Variants in SPATA6 observed in about 807,000 individuals in gnomAD.
SPATA6 encodes spermatogenesis-associated protein 6.
Under a neutral mutation model 65.3 loss-of-function variants are expected in SPATA6, and 56 were observed. The observed-to-expected ratio is 0.86, with a 90% CI of 0.69 to 1.07. The LOEUF is 1.07. Ranked by LOEUF, SPATA6 falls within the 50% of genes least tolerant of loss-of-function variation. The pLI, the probability that SPATA6 is intolerant of heterozygous loss-of-function variation, is 0.00. For missense variants in SPATA6, 590 were observed against 594.8 expected (o/e 0.99, Z 0.08); for synonymous variants, 199 against 213.2 (o/e 0.93, Z 0.58).
chr1:48,314,578 A>G (rs1645342288), intron 11 of SPATA6, among the ~76,000 whole-genome samples: 1 of 152,236 alleles, frequency 6.6e-6, no homozygotes, highest in Non-Finnish European at 1.5e-5. Context: ...AAATGCCCAC[A>G]AGAGAAAGCA....
chr1:48,368,817 G>T (rs1570337363), intron 9 of SPATA6, among the ~76,000 whole-genome samples: 1 of 152,320 alleles, frequency 6.6e-6, no homozygotes, highest in South Asian at 2.1e-4. Flanking sequence ...TCTCCGTCCA[G>T]CTTTGTTCCA....
intron 3 of SPATA6, among the ~76,000 whole-genome samples, chr1:48,417,714 C>T (rs1293914976): frequency 6.6e-6 from 1 of 151,988 alleles, no homozygotes; most frequent in Non-Finnish European, 1.5e-5. Context: ...TACCCAGCTA[C>T]TTGGGAGGCT....
chr1:48,301,702 T>C (rs888402081), intron 12 of SPATA6, among the ~76,000 whole-genome samples: 1 of 152,070 alleles, frequency 6.6e-6, no homozygotes, highest in East Asian at 1.9e-4. Context: ...TGGAACAGAA[T>C]AGAGAATGAA....
rs540428169 is a variant in SPATA6, at chr1:48,314,435, A to G, written c.1195-8557T>C. ...TGGAAACTGAACAACCTGCTCCTGA[A>G]TGACTACTGGGTACATAATGAAATG... On this transcript the variant is annotated intron_variant, in intron 11 of 12. Coordinates refer to ENST00000371847, the MANE Select transcript of SPATA6 (RefSeq NM_019073.4). Among the ~76,000 whole-genome samples the G allele has an allele frequency of 8.1e-4, 124 of 152,308 alleles. No individual in the cohort carries two copies. In the South Asian group the frequency reaches 0.014, roughly 18 times the overall value.
intron 3 of SPATA6, among the ~76,000 whole-genome samples, chr1:48,428,020 T>C (rs1397483119): frequency 6.6e-6 from 1 of 152,210 alleles, no homozygotes; most frequent in Non-Finnish European, 1.5e-5. Context: ...CTTAGGATAA[T>C]GGCCTCCAGC....
intron 8 of SPATA6, among the ~76,000 whole-genome samples, chr1:48,392,065 C>T (rs949514889): frequency 7.9e-5 from 12 of 152,182 alleles, no homozygotes; most frequent in African/African-American, 2.4e-4. Flanking sequence ...TGACTACATG[C>T]TATTTTATTC....
intron 1 of SPATA6, among the ~76,000 whole-genome samples, chr1:48,465,753 A>G (rs1657761035): frequency 6.6e-6 from 1 of 152,160 alleles, no homozygotes; most frequent in Admixed American, 6.5e-5. Flanking sequence ...CACAAGCAGC[A>G]TTGCCTCTGG....
At chr1:48,387,308 G>A (rs1649579463) in intron 8 of SPATA6, among the ~76,000 whole-genome samples, 1 of 152,222 alleles carries the variant, frequency 6.6e-6, no homozygotes, top group South Asian at 2.1e-4. Context: ...CATATCAAGG[G>A]CAGAGACATG....
At chr1:48,361,654 T>C (rs1366726327) in intron 9 of SPATA6, among the ~76,000 whole-genome samples, 2 of 152,170 alleles carry the variant, frequency 1.3e-5, no homozygotes, top group African/African-American at 4.8e-5. Flanking sequence ...TATCTAATTC[T>C]TCTCAGACTC....
chr1:48,462,514 A>G (rs934176758), intron 1 of SPATA6, among the ~76,000 whole-genome samples: 3 of 152,206 alleles, frequency 2.0e-5, no homozygotes, highest in African/African-American at 7.2e-5. Context: ...AAGTGAAAAT[A>G]CATAATCATA....
At chr1:48,361,719 T>A (rs1396176899) in intron 9 of SPATA6, among the ~76,000 whole-genome samples, 6 of 152,210 alleles carry the variant, frequency 3.9e-5, no homozygotes, top group Non-Finnish European at 7.3e-5. Context: ...GATCTTCCAT[T>A]ATTTATTTAA....
At position 48,471,986 on chromosome 1, in the gene SPATA6, TG is replaced by T. The variant is rs1223296921; in HGVS notation, c.22del (p.Gln8SerfsTer11). The T allele has an allele frequency of 6.3e-7, 1 of 1,592,754 alleles. No individual in the cohort carries two copies. Among genetic ancestry groups the T allele is most frequent in the Non-Finnish European group, 8.5e-7 (1 of 1,172,042 alleles). MPKVKAL[Q>X]CALALEISSV... is the part of the protein sequence containing the mutation. ...GCTGATCTCCAGCGCCAGGGCGCAC[TG>T]CAGCGCCTTCACCTTCGGCATCCGT... On this transcript the variant is annotated frameshift_variant, in exon 1 of 13. Transcript: ENST00000371847. LOFTEE classifies it high-confidence loss of function.
chr1:48,282,035 C>G, the SPATA6 span, among the ~76,000 whole-genome samples: 1 of 152,178 alleles, frequency 6.6e-6, no homozygotes, highest in Non-Finnish European at 1.5e-5. Flanking sequence ...CGCCACGTAT[C>G]TACAACTATC....
At chr1:48,300,632 T>G (rs535122419) in intron 12 of SPATA6, among the ~76,000 whole-genome samples, 7 of 152,162 alleles carry the variant, frequency 4.6e-5, no homozygotes, top group African/African-American at 7.2e-5. Context: ...CAGGCTAATA[T>G]TCCTGATGAA....
At chr1:48,283,406 C>A in the SPATA6 span, among the ~76,000 whole-genome samples, 21 of 150,756 alleles carry the variant, frequency 1.4e-4, no homozygotes, top group Non-Finnish European at 1.6e-4. Context: ...CTTGGCTGGG[C>A]GCAGTGGCTC....
intron 5 of SPATA6, among the ~76,000 whole-genome samples, chr1:48,405,003 G>A (rs1651565742): frequency 6.6e-6 from 1 of 152,192 alleles, no homozygotes; most frequent in African/African-American, 2.4e-5. Flanking sequence ...TATTAGGTTG[G>A]TGCACAAGCA....
intron 3 of SPATA6, among the ~76,000 whole-genome samples, chr1:48,418,761 G>A (rs963056394): frequency 1.8e-5 from 2 of 113,574 alleles, no homozygotes; most frequent in Non-Finnish European, 4.1e-5. Context: ...AGGAGGGAAG[G>A]AAGGAAGAAG....
At chr1:48,446,374 A>G (rs1044284800) in intron 3 of SPATA6, among the ~76,000 whole-genome samples, 1 of 152,204 alleles carries the variant, frequency 6.6e-6, no homozygotes, top group Non-Finnish European at 1.5e-5. Flanking sequence ...TTCACTATAG[A>G]ACCATCCAAA....
intron 11 of SPATA6, among the ~76,000 whole-genome samples, chr1:48,347,465 AATATAAT>A (rs1557593722): frequency 7.8e-6 from 1 of 127,664 alleles, no homozygotes; most frequent in Admixed American, 7.8e-5. Context: ...ATGTATATAT[AATATAAT>A]ATATATATTA....
Sources: gnomAD v4.1 joint callset for allele counts (sites outside exome capture counted in the v4.1 genomes callset) on GRCh38, gnomAD v4.1.1 for gene constraint, MANE v1.5 for transcripts, NCBI Gene and HGNC (gene_info 2026-07-23, HGNC 2026-07-21) for gene names.